Variants in SLC45A3 observed in about 807,000 individuals in gnomAD.
The protein encoded by SLC45A3 is solute carrier family 45 member 3.
SLC45A3 carries 17 observed loss-of-function variants against 35.3 expected under a neutral mutation model. The observed-to-expected ratio is 0.48, with a 90% CI of 0.33 to 0.72. The LOEUF (loss-of-function observed/expected upper bound fraction) is 0.72. SLC45A3 is among the 30% of genes least tolerant of loss of function. SLC45A3 has a pLI of 0.02. For missense variants in SLC45A3, 597 were observed against 731.7 expected (o/e 0.82, Z 2.12); for synonymous variants, 288 against 334.3 (o/e 0.86, Z 1.51).
At chr1:205,675,191 G>A (rs575404820) in intron 1 of SLC45A3, among the ~76,000 whole-genome samples, 271 of 152,316 alleles carry the variant, frequency 1.8e-3, no homozygotes, top group African/African-American at 6.2e-3. Flanking sequence ...GAATGGGGTA[G>A]GACCCCTCTG....
Position 205,662,435 on chromosome 1 carries a change from A to C in SLC45A3, c.959-309T>G. 1.5e-6 allele frequency: 2 copies of C among 1,334,128 alleles called. No homozygotes were observed. The highest frequency in any genetic ancestry group is 1.9e-6 in the Non-Finnish European group (2 of 1,044,600). The allele number at this position is 1,334,128 out of a possible 1,614,324, so 82.6% of individuals were successfully genotyped here. A position where few individuals can be genotyped will look rare whatever the true frequency, so the allele number is the denominator to read the frequency against. On this transcript the variant is annotated intron_variant, in intron 3 of 4. Transcript: ENST00000367145. The surrounding 1 kb of genome is among the most constrained non-coding windows in gnomAD (Gnocchi z 6.2). The stretch of plus-strand genomic sequence containing the variant: ...CAAAGACAGCTGGCCATAGGCTTCA[A>C]GACGCTTCTAGGACGCCTGAGCTGG...
Position 205,659,527 on chromosome 1 carries a change from G to T in SLC45A3, c.1369C>A (p.Pro457Thr). The T allele has an allele frequency of 6.2e-7, 1 of 1,610,598 alleles. No individual in the cohort carries two copies. The highest frequency in any genetic ancestry group is 8.5e-7 in the Non-Finnish European group (1 of 1,177,952). Residue 457 changes from proline to threonine, a missense_variant, in exon 5 of 5, where the codon CCA (proline) becomes ACA (threonine). Transcript: ENST00000367145. The surrounding 1 kb of genome is among the most constrained non-coding windows in gnomAD (Gnocchi z 5.8). ...GCAGAGGCCCCGCAGAGCGCGGGTG[G>T]AGGTGGGAGCAGGCCACTGCCTCCA... ...GAGGSGLLPP[P>T]PALCGASACD...
Position 205,664,406 on chromosome 1 carries a change from C to T in SLC45A3, c.172+79G>A, listed in dbSNP as rs1325714897. On this transcript the variant is annotated intron_variant, in intron 2 of 4. Transcript: ENST00000367145. The surrounding 1 kb of genome is among the most constrained non-coding windows in gnomAD (Gnocchi z 5.3). ...GACCACCTCTCCCTCCAAGCAGCTC[C>T]CAGGGCAGAGGTACTCCTGTCCCAC... The T allele has an allele frequency of 1.9e-6, 3 of 1,560,306 alleles. No individual in the cohort carries two copies. The highest frequency in any genetic ancestry group is 1.7e-6 in the Non-Finnish European group (2 of 1,145,294).
intron 1 of SLC45A3, among the ~76,000 whole-genome samples, chr1:205,674,204 TA>T (rs1366651142): frequency 9.6e-6 from 1 of 103,860 alleles, no homozygotes; most frequent in East Asian, 3.0e-4. Flanking sequence ...CCACGCAATA[TA>T]GGGGTGGGGG....
chr1:205,664,869 C>A lies in SLC45A3; in HGVS notation c.-213G>T. 2.1e-6 allele frequency: 3 copies of A among 1,402,286 alleles called. No homozygotes were observed. Among genetic ancestry groups the A allele is most frequent in the Non-Finnish European group, 2.8e-6 (3 of 1,081,344 alleles). 86.9% of individuals were successfully genotyped at this position (1,402,286 alleles called of 1,614,324 possible). A position where few individuals can be genotyped will look rare whatever the true frequency, so the allele number is the denominator to read the frequency against. On this transcript the variant is annotated 5_prime_UTR_variant, in exon 2 of 5. Transcript: ENST00000367145. The surrounding 1 kb of genome is among the most constrained non-coding windows in gnomAD (Gnocchi z 5.3). ...GCTGTGGGGCACCTCAGTGGGGACACGTCTCATCACTCAGATCCTAGAAGG... is the reference window on the plus strand; with the variant it reads ...GCTGTGGGGCACCTCAGTGGGGACAAGTCTCATCACTCAGATCCTAGAAGG...
rs1442326505 is a variant in SLC45A3 at position 205,662,594 on chromosome 1, C to T, written c.958+239G>A. ...CTTTGAATAAGCTCCGCCTTTCCTT[C>T]TGTCAAACTGGGGCAACGACTCTGA... On this transcript the variant is annotated intron_variant, in intron 3 of 4. Transcript: ENST00000367145. The surrounding 1 kb of genome is among the most constrained non-coding windows in gnomAD (Gnocchi z 6.2). 2 of 1,333,780 alleles carry T rather than the reference C, an allele frequency of 1.5e-6. No homozygotes were observed. The highest frequency in any genetic ancestry group is 3.0e-5 in the African/African-American group (2 of 67,520). 82.6% of individuals were successfully genotyped at this position (1,333,780 alleles called of 1,614,324 possible). A position where few individuals can be genotyped will look rare whatever the true frequency, so the allele number is the denominator to read the frequency against.
intron 1 of SLC45A3, among the ~76,000 whole-genome samples, chr1:205,668,032 C>A (rs950516725): frequency 2.0e-5 from 3 of 152,106 alleles, no homozygotes; most frequent in Non-Finnish European, 4.4e-5. Context: ...GCTTCAAGCA[C>A]CCCTGTATTC....
At position 205,680,409 on chromosome 1, in the gene SLC45A3, G is replaced by A. The variant is rs189035913; in HGVS notation, c.-246C>T. 0.017 allele frequency: 2,643 copies of A among 151,802 alleles called. 55 individuals carry two copies. Among genetic ancestry groups the A allele is most frequent in the African/African-American group, 0.046 (1,895 of 41,356 alleles). 9.4% of individuals were successfully genotyped at this position (151,802 alleles called of 1,614,324 possible). On this transcript the variant is annotated 5_prime_UTR_variant, in exon 1 of 5. Coordinates refer to ENST00000367145, the MANE Select transcript of SLC45A3 (RefSeq NM_033102.3). ...GCGCTCCTACCTGGCCGAGGCGCGC[G>A]GCTGTCACCCGGAGCCAGCGCGTGC...
chr1:205,671,923 A>G (rs1671223760), intron 1 of SLC45A3, among the ~76,000 whole-genome samples: 4 of 152,176 alleles, frequency 2.6e-5, no homozygotes, highest in African/African-American at 9.7e-5. Flanking sequence ...GCACAATAGC[A>G]GCCAACATTG....
chr1:205,668,908 C>A (rs1385690221), intron 1 of SLC45A3, among the ~76,000 whole-genome samples: 1 of 152,108 alleles, frequency 6.6e-6, no homozygotes, highest in Non-Finnish European at 1.5e-5. Flanking sequence ...GAATCAAAAC[C>A]CAGAGAGACC....
intron 1 of SLC45A3, among the ~76,000 whole-genome samples, chr1:205,670,712 T>G (rs777405729): frequency 6.7e-4 from 102 of 152,292 alleles, no homozygotes; most frequent in Non-Finnish European, 1.0e-3. Context: ...AAAGGGGGAT[T>G]AGGGAGAAAC....
intron 4 of SLC45A3, among the ~76,000 whole-genome samples, chr1:205,660,528 C>T (rs1044500546): frequency 3.9e-5 from 6 of 152,310 alleles, no homozygotes; most frequent in Admixed American, 6.5e-5. Flanking sequence ...GGGAAGCCCA[C>T]GGCTCACCAT....
At chr1:205,660,406 C>T (rs766482682) in intron 4 of SLC45A3, among the ~76,000 whole-genome samples, 1 of 152,172 alleles carries the variant, frequency 6.6e-6, no homozygotes, top group Non-Finnish European at 1.5e-5. Flanking sequence ...GGCCCAGAGC[C>T]TCCTATTTAA....
chr1:205,664,737 G>A lies in SLC45A3; in HGVS notation c.-81C>T, dbSNP rs1267306170. On this transcript the variant is annotated 5_prime_UTR_variant, in exon 2 of 5. Transcript: ENST00000367145. This position sits in a 1 kb window ranked among gnomAD's most constrained non-coding sequence, Gnocchi z 5.3. ...GTCTCGGCTCTGCTCCAGAAGCTGC[G>A]GCCTCTCCTCCTTGCTGCCGCCAAC... 14 of 1,539,846 alleles carry A rather than the reference G, an allele frequency of 9.1e-6. No homozygotes were observed. The highest frequency in any genetic ancestry group is 2.7e-5 in the African/African-American group (2 of 72,754).
rs991534552 is a variant in SLC45A3 at position 205,669,058 on chromosome 1, G to A, written c.-230-4172C>T. On this transcript the variant is annotated intron_variant, in intron 1 of 4. Transcript: ENST00000367145. This position sits in a 1 kb window ranked among gnomAD's most constrained non-coding sequence, Gnocchi z 4.1. ...CCAGCAAGAAAAGGGGCCGGGAAAT[G>A]TTTACCTAATGAATGAATGGCTAAG... Among the ~76,000 whole-genome samples, 2 of 152,174 alleles carry A rather than the reference G, an allele frequency of 1.3e-5. No homozygotes were observed. The highest frequency in any genetic ancestry group is 4.8e-5 in the African/African-American group (2 of 41,444).
At chr1:205,679,540 G>A (rs1671365755) in intron 1 of SLC45A3, among the ~76,000 whole-genome samples, 1 of 152,098 alleles carries the variant, frequency 6.6e-6, no homozygotes, top group African/African-American at 2.4e-5. Flanking sequence ...GAAGCTGCAC[G>A]GGATGCCTAG....
At chr1:205,677,637 T>C (rs1216564622) in intron 1 of SLC45A3, among the ~76,000 whole-genome samples, 2 of 152,228 alleles carry the variant, frequency 1.3e-5, no homozygotes, top group Admixed American at 6.5e-5. Flanking sequence ...GAGACCTTGC[T>C]ACCAAAGAAA....
In SLC45A3 at chr1:205,659,728, A is replaced by C. The variant is rs1157089541; in HGVS notation, c.1225-57T>G. ...GGACAGGTGTGTACCCAGCACTGGCACCACCCCAGCTGTGAGAACAGACCC... is the reference window on the plus strand; with the variant it reads ...GGACAGGTGTGTACCCAGCACTGGCCCCACCCCAGCTGTGAGAACAGACCC... On this transcript the variant is annotated intron_variant, in intron 4 of 4. Coordinates refer to ENST00000367145, the MANE Select transcript of SLC45A3 (RefSeq NM_033102.3). The surrounding 1 kb of genome is among the most constrained non-coding windows in gnomAD (Gnocchi z 5.8). 9.5e-6 allele frequency: 14 copies of C among 1,468,030 alleles called. No homozygotes were observed. Among genetic ancestry groups the C allele is most frequent in the Non-Finnish European group, 1.3e-5 (14 of 1,100,078 alleles). 90.9% of individuals were successfully genotyped at this position (1,468,030 alleles called of 1,614,324 possible). A position where few individuals can be genotyped will look rare whatever the true frequency, so the allele number is the denominator to read the frequency against.
intron 1 of SLC45A3, among the ~76,000 whole-genome samples, chr1:205,674,197 C>T (rs1033568746): frequency 5.1e-5 from 7 of 138,400 alleles, no homozygotes; most frequent in African/African-American, 1.9e-4. Flanking sequence ...GTAGGTACCA[C>T]GCAATATAGG....
Sources: gnomAD v4.1 joint callset for allele counts (sites outside exome capture counted in the v4.1 genomes callset) on GRCh38, gnomAD v4.1.1 for gene constraint, Gnocchi (gnomAD v3.1) non-coding constraint, MANE v1.5 for transcripts, NCBI Gene and HGNC (gene_info 2026-07-23, HGNC 2026-07-21) for gene names.